The following DHX29 variants were observed in gnomAD, a reference collection of about 807,000 sequenced individuals.
DHX29 encodes ATP-dependent RNA helicase DHX29.
DHX29 carries 79 observed loss-of-function variants against 167.9 expected under a neutral mutation model. The observed-to-expected ratio is 0.47, with a 90% confidence interval of 0.39 to 0.57. The LOEUF is 0.57. DHX29 is among the 20% of genes least tolerant of loss of function. DHX29 has a pLI of 0.00. For synonymous variants in DHX29, 530 were observed against 546.0 expected, an observed-to-expected ratio of 0.97 and a Z score of 0.41; for missense variants, 1,347 against 1,593.4, an observed-to-expected ratio of 0.85 and a Z score of 2.63.
At chr5:55,285,248 T>G (rs755744080) in intron 10 of DHX29, 45 bp downstream of exon 10, 1 of 1,590,220 alleles carries the variant, frequency 6.3e-7, no homozygotes, top group South Asian at 1.1e-5. Context: ...CATAATTAAA[T>G]ACTGCCTTCC....
chr5:55,287,396 G>A (rs1018324002), intron 8 of DHX29, among the ~76,000 whole-genome samples: 12 of 151,980 alleles, frequency 7.9e-5, no homozygotes, highest in African/African-American at 2.2e-4. Context: ...AGCCAAGATC[G>A]TGCCACTGTT....
At chr5:55,272,059 T>G (rs201251486) in intron 18 of DHX29, 28 bp downstream of exon 18, 1 of 1,356,250 alleles carries the variant, frequency 7.4e-7, no homozygotes, top group African/African-American at 1.5e-5. Flanking sequence ...AGGTTAAAAA[T>G]GTTTTGATTT....
chr5:55,297,507 A>C (rs1748384303), intron 2 of DHX29, 109 bp from the exon 3 acceptor site: 3 of 629,258 alleles, frequency 4.8e-6, no homozygotes, highest in Non-Finnish European at 8.3e-6. Context: ...AATTTCAGCT[A>C]AAATCAGATA....
chr5:55,273,520 T>C (rs965149987), intron 16 of DHX29, 143 bp from the exon 17 acceptor site: 8 of 1,088,624 alleles, frequency 7.3e-6, no homozygotes, highest in Non-Finnish European at 9.6e-6. Flanking sequence ...GTTTACAGAA[T>C]TGTACAATGA....
intron 10 of DHX29, 60 bp downstream of exon 10, chr5:55,285,233 T>C: frequency 6.4e-7 from 1 of 1,573,654 alleles, no homozygotes; most frequent in Non-Finnish European, 8.6e-7. Context: ...AAGAGAAAAT[T>C]GAACCATAAT....
At chr5:55,266,404 G>A (rs543322266) in intron 23 of DHX29, among the ~76,000 whole-genome samples, 3 of 148,396 alleles carry the variant, frequency 2.0e-5, no homozygotes, top group African/African-American at 5.0e-5. Flanking sequence ...CCATCTCCTC[G>A]GTTCAAGTGA....
intron 6 of DHX29, among the ~76,000 whole-genome samples, chr5:55,292,580 T>C (rs1487062544): frequency 6.6e-6 from 1 of 152,172 alleles, no homozygotes; most frequent in Non-Finnish European, 1.5e-5. Context: ...CCTAAATCTG[T>C]AGTGGCTCTT....
chr5:55,285,096 C>T (rs969354560), intron 10 of DHX29, among the ~76,000 whole-genome samples, 197 bp downstream of exon 10: 2 of 152,150 alleles, frequency 1.3e-5, no homozygotes, highest in East Asian at 1.9e-4. Context: ...CTCCAAAAGT[C>T]GGATCATCAT....
intron 23 of DHX29, among the ~76,000 whole-genome samples, chr5:55,266,489 A>G (rs1049433734): frequency 1.3e-5 from 2 of 150,190 alleles, no homozygotes; most frequent in African/African-American, 4.9e-5. Context: ...TTGTATTTTT[A>G]GTAGAGACGG....
At chr5:55,258,563 G>C (rs1746160139) in intron 26 of DHX29, among the ~76,000 whole-genome samples, 1 of 152,182 alleles carries the variant, frequency 6.6e-6, no homozygotes, top group African/African-American at 2.4e-5. Context: ...GAGAAACACT[G>C]CACTGGGCAA....
rs1181982019 is a variant in DHX29, at chr5:55,283,319, C to A, written c.1849G>T (p.Glu617Ter). 1 of 1,614,156 alleles carries A rather than the reference C, an allele frequency of 6.2e-7. No individual in the cohort carries two copies. Among genetic ancestry groups the A allele is most frequent in the Non-Finnish European group, 8.5e-7 (1 of 1,179,998 alleles). The change falls in exon 11 of 27, where the codon GAG becomes TAG. Residue 617 changes from glutamate to a stop codon, truncating the protein, a stop_gained. Transcript: ENST00000251636. LOFTEE classifies it high-confidence loss of function. Reference sequence around the variant, plus strand: ...ATGTTACATTTACTTGCTTCCCACTCATTTAGAAGCAAATCTTCCAATAGA... The same window carrying A: ...ATGTTACATTTACTTGCTTCCCACTAATTTAGAAGCAAATCTTCCAATAGA... The part of the protein sequence containing the change: ...HFLLEDLLLN[E>*]WEASKCNIVC...
intron 6 of DHX29, among the ~76,000 whole-genome samples, chr5:55,292,582 G>C (rs1748105737): frequency 6.6e-6 from 1 of 152,114 alleles, no homozygotes; most frequent in African/African-American, 2.4e-5. Context: ...TAAATCTGTA[G>C]TGGCTCTTTA....
chr5:55,296,354 G>T lies in DHX29; in HGVS notation c.376-5C>A. On this transcript the variant is annotated splice_polypyrimidine_tract_variant and splice_region_variant and intron_variant, in intron 3 of 26. Coordinates refer to ENST00000251636, the MANE Select transcript of DHX29 (RefSeq NM_019030.4). ...TTGTAAAGCCATGTATAAATCCTAT[G>T]ACAAGCAAATATAAAAAAAGTCACA... is the stretch of plus-strand genomic sequence containing the variant. 6.2e-7 allele frequency: 1 copy of T among 1,605,876 alleles called. No homozygotes were observed. Among genetic ancestry groups the T allele is most frequent in the South Asian group, 1.1e-5 (1 of 88,798 alleles).
chr5:55,261,465 G>T lies in DHX29; in HGVS notation c.3863C>A (p.Thr1288Asn). The change falls in exon 25 of 27, where the codon ACC (threonine) becomes AAC (asparagine). Residue 1288 changes from threonine to asparagine, a missense_variant. Thr to Asn is a moderately conservative substitution (Grantham distance 65). Transcript: ENST00000251636. ...TAAAACTGGAAAAGGGGTTATTAGG[G>T]TAGTTTCTCTCAAATACACTCTGGC... ...RYARVYLRET[T>N]LITPFPVLLF... is the part of the protein sequence containing the mutation. 6.3e-7 allele frequency: 1 copy of T among 1,574,900 alleles called. No individual in the cohort carries two copies. Among genetic ancestry groups the T allele is most frequent in the Non-Finnish European group, 8.7e-7 (1 of 1,145,144 alleles).
chr5:55,292,334 C>A (rs1186624463), intron 6 of DHX29, among the ~76,000 whole-genome samples: 1 of 152,106 alleles, frequency 6.6e-6, no homozygotes, highest in Non-Finnish European at 1.5e-5. Context: ...CTGAAGAAAT[C>A]TTCCTTAGCC....
chr5:55,276,527 A>T (rs560461090), intron 13 of DHX29, 121 bp from the exon 14 acceptor site: 1 of 795,278 alleles, frequency 1.3e-6, no homozygotes, highest in African/African-American at 1.8e-5. Flanking sequence ...AATATTATGA[A>T]AAAAAATTTT....
intron 8 of DHX29, among the ~76,000 whole-genome samples, chr5:55,287,383 G>C (rs1411712202): frequency 1.3e-5 from 2 of 152,162 alleles, no homozygotes; most frequent in African/African-American, 4.8e-5. Flanking sequence ...TGAGGTTGCA[G>C]TGAGCCAAGA....
intron 10 of DHX29, 91 bp downstream of exon 10, chr5:55,285,202 A>G: frequency 6.6e-7 from 1 of 1,523,536 alleles, no homozygotes; most frequent in South Asian, 1.3e-5. Flanking sequence ...AGAAAGGATT[A>G]ATCAGAAGAA....
Position 55,283,776 on chromosome 5 carries a change from A to G in DHX29, c.1392T>C (p.Asp464=). 1 of 1,607,504 alleles carries G rather than the reference A, an allele frequency of 6.2e-7. No individual in the cohort carries two copies. Among genetic ancestry groups the G allele is most frequent in the South Asian group, 1.1e-5 (1 of 89,976 alleles). ...CTGCATCACTCCACTCCAGCCAAAC[A>G]TCTCGGTAAGTGGGAGGAAGTAACT... is the stretch of plus-strand genomic sequence containing the variant. ...VHQLLPPTYR[D]VWLEWSDAEK... Residue 464 remains aspartate, a synonymous_variant, in exon 11 of 27, where the codon GAT becomes GAC. Transcript: ENST00000251636.
Sources: gnomAD v4.1 joint callset for allele counts (sites outside exome capture counted in the v4.1 genomes callset) on GRCh38, gnomAD v4.1.1 for gene constraint, MANE v1.5 for transcripts, NCBI Gene and HGNC (gene_info 2026-07-23, HGNC 2026-07-21) for gene names.